The following LMNTD1 variants were observed in gnomAD, a reference collection of about 807,000 sequenced individuals.
The protein encoded by LMNTD1 is lamin tail domain-containing protein 1.
In LMNTD1, 35 loss-of-function variants were observed where a neutral mutation model predicts 50.9. The ratio of observed to expected loss-of-function variants is 0.69; its 90% confidence interval spans 0.53 to 0.91. The LOEUF (loss-of-function observed/expected upper bound fraction) is 0.91, where lower values mean the gene tolerates loss of function less well. LMNTD1 is among the 40% of genes least tolerant of loss of function. The probability of loss-of-function intolerance (pLI) is 0.00; values close to 1 mark genes in which losing one functional copy is unlikely to be tolerated. For synonymous variants in LMNTD1, 153 were observed against 161.9 expected, an observed-to-expected ratio of 0.94 and a Z score of 0.42; for missense variants, 470 against 475.5, an observed-to-expected ratio of 0.99 and a Z score of 0.11.
At chr12:25,610,378 G>T (rs1460696865) in intron 1 of LMNTD1, among the ~76,000 whole-genome samples, 1 of 152,070 alleles carries the variant, frequency 6.6e-6, no homozygotes. Flanking sequence ...AGATGAACCA[G>T]GTACCTCAGT....
chr12:25,492,162 T>A (rs1452969516), intron 9 of LMNTD1, among the ~76,000 whole-genome samples: 1 of 152,212 alleles, frequency 6.6e-6, no homozygotes, highest in Non-Finnish European at 1.5e-5. Context: ...TATCAGTCAA[T>A]CTTATGAACA....
intron 1 of LMNTD1, among the ~76,000 whole-genome samples, chr12:25,567,998 T>A (rs549735152): frequency 8.5e-5 from 13 of 152,188 alleles, no homozygotes; most frequent in African/African-American, 2.9e-4. Context: ...TTAGAGGGGT[T>A]TGGAGGGCTC....
At chr12:25,625,345 G>A (rs1234710594) in intron 1 of LMNTD1, among the ~76,000 whole-genome samples, 1 of 152,140 alleles carries the variant, frequency 6.6e-6, no homozygotes, top group Non-Finnish European at 1.5e-5. Context: ...ATTAGTACCA[G>A]ATGGTAAAAA....
chr12:25,636,732 C>A (rs1469121589), intron 1 of LMNTD1, among the ~76,000 whole-genome samples: 1 of 152,130 alleles, frequency 6.6e-6, no homozygotes, highest in Non-Finnish European at 1.5e-5. Context: ...GGAACCAACT[C>A]AAATGCCCAT....
Position 25,535,000 on chromosome 12 carries a change from T to TA in LMNTD1, c.492-8046dup, listed in dbSNP as rs1335917713. ...AAAATCCACAATTTCTGACATACAA[T>TA]AAAAAATTACCAGGCATGCAAATAA... On this transcript the variant is annotated intron_variant, in intron 4 of 9. Coordinates refer to ENST00000458174, the MANE Select transcript of LMNTD1 (RefSeq NM_001145728.2). Among the ~76,000 whole-genome samples, 16 of 151,666 alleles carry TA rather than the reference T, an allele frequency of 1.1e-4. No individual in the cohort carries two copies. The East Asian group carries it at 3.1e-3, about 29-fold the overall frequency.
intron 1 of LMNTD1, among the ~76,000 whole-genome samples, chr12:25,617,031 A>G (rs1414803804): frequency 1.3e-5 from 2 of 152,212 alleles, no homozygotes; most frequent in Non-Finnish European, 2.9e-5. Flanking sequence ...AACTCAATAT[A>G]GCTGTTTTAA....
chr12:25,551,197 G>A (rs1591992833), intron 2 of LMNTD1, among the ~76,000 whole-genome samples: 1 of 152,082 alleles, frequency 6.6e-6, no homozygotes, highest in African/African-American at 2.4e-5. Context: ...ATAACAGACT[G>A]GCTATTCTTT....
intron 1 of LMNTD1, among the ~76,000 whole-genome samples, chr12:25,564,826 T>A (rs141075490): frequency 2.8e-4 from 42 of 152,344 alleles, no homozygotes; most frequent in African/African-American, 9.9e-4. Flanking sequence ...GAAAGTGGGG[T>A]GAAGTCTCTA....
intron 9 of LMNTD1, among the ~76,000 whole-genome samples, chr12:25,490,576 A>C (rs1298483870): frequency 6.6e-6 from 1 of 152,184 alleles, no homozygotes; most frequent in Non-Finnish European, 1.5e-5. Flanking sequence ...AAACATGAAA[A>C]TCAGTTTTTA....
intron 4 of LMNTD1, among the ~76,000 whole-genome samples, chr12:25,534,524 T>A (rs993884237): frequency 2.6e-5 from 4 of 152,074 alleles, no homozygotes; most frequent in Non-Finnish European, 5.9e-5. Flanking sequence ...GAGACCAAGG[T>A]GGCTGGAGGT....
chr12:25,481,200 A>C, intron 9 of LMNTD1, among the ~76,000 whole-genome samples: 1 of 151,994 alleles, frequency 6.6e-6, no homozygotes, highest in Non-Finnish European at 1.5e-5. Flanking sequence ...TCCTATTTGA[A>C]TCAAAGTAAA....
chr12:25,580,674 C>T (rs1945246407), intron 1 of LMNTD1, among the ~76,000 whole-genome samples: 1 of 152,146 alleles, frequency 6.6e-6, no homozygotes, highest in Admixed American at 6.5e-5. Flanking sequence ...TTATCATCAA[C>T]CTGTTTAACG....
At chr12:25,558,316 G>T (rs750747627) in intron 1 of LMNTD1, among the ~76,000 whole-genome samples, 1 of 152,116 alleles carries the variant, frequency 6.6e-6, no homozygotes, top group Middle Eastern at 3.4e-3. Flanking sequence ...TACTGATTTT[G>T]GGTTTGGTTT....
intron 9 of LMNTD1, among the ~76,000 whole-genome samples, chr12:25,500,733 G>A (rs1261538566): frequency 2.0e-5 from 3 of 152,112 alleles, no homozygotes; most frequent in Non-Finnish European, 4.4e-5. Flanking sequence ...AGCCACACAG[G>A]AAAATTACCT....
intron 1 of LMNTD1, among the ~76,000 whole-genome samples, chr12:25,639,256 C>G (rs1946900347): frequency 6.6e-6 from 1 of 151,978 alleles, no homozygotes; most frequent in Non-Finnish European, 1.5e-5. Flanking sequence ...TTGAGTTGGG[C>G]TAAGCCTTTT....
chr12:25,487,879 C>A (rs372165997), intron 9 of LMNTD1, among the ~76,000 whole-genome samples: 1 of 107,078 alleles, frequency 9.3e-6, no homozygotes, highest in African/African-American at 3.5e-5. Context: ...TTTTATTTCT[C>A]CTTCACTTAT....
At chr12:25,549,614 A>C (rs1943641627) in intron 2 of LMNTD1, 68 bp from the exon 3 acceptor site, 3 of 820,588 alleles carry the variant, frequency 3.7e-6, no homozygotes, top group Admixed American at 6.4e-5. Flanking sequence ...TAAAAGAAGC[A>C]TGGGCTATTA....
chr12:25,537,809 A>G (rs542074782), intron 4 of LMNTD1, among the ~76,000 whole-genome samples: 1 of 151,974 alleles, frequency 6.6e-6, no homozygotes, highest in Non-Finnish European at 1.5e-5. Context: ...AAAGGCAAAG[A>G]AGTTGAAAAC....
chr12:25,519,955 T>C lies in LMNTD1; in HGVS notation c.919A>G (p.Thr307Ala). 6.2e-7 allele frequency: 1 copy of C among 1,613,130 alleles called. No individual in the cohort carries two copies. The highest frequency in any genetic ancestry group is 8.5e-7 in the Non-Finnish European group (1 of 1,179,396). The change falls in exon 7 of 10, where the codon ACA becomes GCA. Residue 307 changes from threonine (T) to alanine (A), a missense_variant. Transcript: ENST00000458174. ...PTFRKRVFQW[T>A]ASTATITKEK... Reference sequence around the variant, plus strand: ...TTAGTTATTGTAGCTGTAGATGCTGTCCACTGAAACACACGCTTTCGGAAT... The same window carrying C: ...TTAGTTATTGTAGCTGTAGATGCTGCCCACTGAAACACACGCTTTCGGAAT...
Sources: allele counts gnomAD v4.1 joint callset (sites outside exome capture counted in the v4.1 genomes callset), GRCh38; gene constraint gnomAD v4.1.1; transcripts MANE v1.5; gene names NCBI Gene and HGNC (gene_info 2026-07-23, HGNC 2026-07-21).